The following XXYLT1 variants were observed in gnomAD, a reference collection of about 807,000 sequenced individuals.
XXYLT1 encodes the protein xyloside xylosyltransferase 1, also known as UDP-xylose:alpha-xyloside alpha-1,3-xylosyltransferase.
In XXYLT1, 20 loss-of-function variants were observed where a neutral mutation model predicts 28.9. That is an observed-to-expected ratio of 0.69 (90% CI 0.49 to 1.00). The LOEUF is 1.00. Among genes scored for constraint, XXYLT1 ranks in the 50% least tolerant of loss-of-function variants. The pLI is 0.00. For synonymous variants in XXYLT1, 257 were observed against 253.8 expected (o/e 1.01, Z -0.12); for missense variants, 542 against 560.1 (o/e 0.97, Z 0.33).
intron 2 of XXYLT1, among the ~76,000 whole-genome samples, chr3:195,201,827 GCTGCTCCT>G (rs1346678384): frequency 6.6e-6 from 1 of 152,164 alleles, no homozygotes; most frequent in African/African-American, 2.4e-5. Context: ...TTGGGACTTA[GCTGCTCCT>G]CTGCTCCTCC....
intron 1 of XXYLT1, among the ~76,000 whole-genome samples, chr3:195,264,621 T>G (rs938987867): frequency 2.0e-5 from 3 of 152,198 alleles, no homozygotes; most frequent in African/African-American, 7.2e-5. Flanking sequence ...CTCCTATACA[T>G]TCCCTGCAAC....
At chr3:195,178,090 TA>T (rs1206243419) in intron 2 of XXYLT1, among the ~76,000 whole-genome samples, 1 of 151,942 alleles carries the variant, frequency 6.6e-6, no homozygotes, top group Non-Finnish European at 1.5e-5. Context: ...TGATAGAAAA[TA>T]AATGAAAAGG....
At chr3:195,096,919 G>A (rs1409129675) in intron 3 of XXYLT1, among the ~76,000 whole-genome samples, 3 of 152,206 alleles carry the variant, frequency 2.0e-5, no homozygotes, top group Non-Finnish European at 4.4e-5. Flanking sequence ...GTTAGAAATA[G>A]TTCAAATTTG....
chr3:195,146,333 T>C (rs1456182614), intron 3 of XXYLT1, among the ~76,000 whole-genome samples: 1 of 152,246 alleles, frequency 6.6e-6, no homozygotes, highest in Non-Finnish European at 1.5e-5. Context: ...GCTGCCTGGA[T>C]TACAAATAAG....
intron 2 of XXYLT1, among the ~76,000 whole-genome samples, chr3:195,159,583 T>A (rs1231374040): frequency 2.0e-5 from 3 of 152,188 alleles, no homozygotes; most frequent in Admixed American, 1.3e-4. Context: ...AATATCAGCA[T>A]GAAGACAAGT....
At chr3:195,166,827 G>A (rs1458627276) in intron 2 of XXYLT1, among the ~76,000 whole-genome samples, 1 of 152,130 alleles carries the variant, frequency 6.6e-6, no homozygotes, top group African/African-American at 2.4e-5. Context: ...GATTACAGGT[G>A]CCCAGCACAC....
intron 3 of XXYLT1, among the ~76,000 whole-genome samples, chr3:195,119,177 G>A (rs1336862227): frequency 2.6e-5 from 4 of 151,144 alleles, no homozygotes; most frequent in East Asian, 1.9e-4. Context: ...CCAGCTACTC[G>A]GGAGGCTAGG....
At chr3:195,201,914 C>T (rs1722864807) in intron 2 of XXYLT1, among the ~76,000 whole-genome samples, 1 of 152,178 alleles carries the variant, frequency 6.6e-6, no homozygotes, top group Non-Finnish European at 1.5e-5. Flanking sequence ...CGCGGTGGCT[C>T]ACACCTGTAA....
intron 3 of XXYLT1, among the ~76,000 whole-genome samples, chr3:195,070,404 C>A (rs1714736378): frequency 6.6e-6 from 1 of 152,030 alleles, no homozygotes; most frequent in Non-Finnish European, 1.5e-5. Context: ...ACTCCCCACA[C>A]AACCCCAGGG....
At chr3:195,143,833 T>C (rs1305066160) in intron 3 of XXYLT1, among the ~76,000 whole-genome samples, 1 of 90,956 alleles carries the variant, frequency 1.1e-5, no homozygotes, top group African/African-American at 4.7e-5. Flanking sequence ...TATATATAGA[T>C]ATAGATATAG....
intron 3 of XXYLT1, among the ~76,000 whole-genome samples, chr3:195,141,857 T>C (rs934310162): frequency 3.9e-5 from 6 of 152,228 alleles, no homozygotes; most frequent in African/African-American, 1.4e-4. Context: ...GACTAGACTC[T>C]AGTAATTTTG....
chr3:195,241,587 T>G lies in XXYLT1; in HGVS notation c.505-14731A>C, dbSNP rs148994040. Among the ~76,000 whole-genome samples the G allele has an allele frequency of 4.4e-3, 664 of 152,080 alleles. 3 individuals carry two copies. The highest frequency in any genetic ancestry group is 7.7e-3 in the Non-Finnish European group (521 of 68,000). ...GCGCATTTCCAGAAGCGAAGAAAAA[T>G]CTGCTAACGGACTAGGAGTCTTTCA... is the stretch of plus-strand genomic sequence containing the variant. On this transcript the variant is annotated intron_variant, in intron 1 of 3. Coordinates refer to ENST00000310380, the MANE Select transcript of XXYLT1 (RefSeq NM_152531.5).
rs1297258463 is a variant in XXYLT1, at chr3:195,176,648, G to A, written c.653-20067C>T. Among the ~76,000 whole-genome samples, 1 of 152,208 alleles carries A rather than the reference G, an allele frequency of 6.6e-6. No individual in the cohort carries two copies. The highest frequency in any genetic ancestry group is 1.5e-5 in the Non-Finnish European group (1 of 68,044). Reference sequence around the variant, plus strand: ...GAGATACATTGATGTTGATGAGGCTGGAGAGCTGGAGGAAGCAAGACAGTA... The same window carrying A: ...GAGATACATTGATGTTGATGAGGCTAGAGAGCTGGAGGAAGCAAGACAGTA... On this transcript the variant is annotated intron_variant, in intron 2 of 3. Transcript: ENST00000310380. This position sits in a 1 kb window ranked among gnomAD's most constrained non-coding sequence, Gnocchi z 4.9.
chr3:195,243,190 T>G (rs1235439250), intron 1 of XXYLT1, among the ~76,000 whole-genome samples: 1 of 151,476 alleles, frequency 6.6e-6, no homozygotes, highest in Non-Finnish European at 1.5e-5. Context: ...AAGGGGAACA[T>G]CACACACCAG....
At chr3:195,099,795 C>T (rs1387917922) in intron 3 of XXYLT1, among the ~76,000 whole-genome samples, 1 of 143,498 alleles carries the variant, frequency 7.0e-6, no homozygotes, top group African/African-American at 2.6e-5. Context: ...CGCGCCACTG[C>T]ACTCCAGCCT....
intron 2 of XXYLT1, among the ~76,000 whole-genome samples, chr3:195,161,695 C>T (rs984945333): frequency 2.7e-5 from 4 of 147,274 alleles, no homozygotes; most frequent in South Asian, 4.3e-4. Flanking sequence ...AGGGCAATGG[C>T]GCGATCTTGG....
Position 195,130,689 on chromosome 3 carries a change from G to A in XXYLT1, c.785+25760C>T, listed in dbSNP as rs71317945. ...CTGAGCAAAGCACTGGAGGCGAGAG[G>A]AGGGGAACGGAGGCAACAGGCAATC... On this transcript the variant is annotated intron_variant, in intron 3 of 3. Transcript: ENST00000310380. 3.0e-4 allele frequency among the ~76,000 whole-genome samples: 45 copies of A among 152,308 alleles called. No individual in the cohort carries two copies. In the East Asian group the frequency reaches 6.6e-3, roughly 22 times the overall value.
At chr3:195,189,461 A>G (rs943750862) in intron 2 of XXYLT1, among the ~76,000 whole-genome samples, 1 of 152,220 alleles carries the variant, frequency 6.6e-6, no homozygotes, top group Non-Finnish European at 1.5e-5. Flanking sequence ...AAAATAGGAA[A>G]GTGTGACCCA....
chr3:195,103,128 G>C (rs1023064807), intron 3 of XXYLT1, among the ~76,000 whole-genome samples: 3 of 152,370 alleles, frequency 2.0e-5, no homozygotes, highest in African/African-American at 7.2e-5. Flanking sequence ...GCTCACGCTA[G>C]TAACAGTCAG....
Sources: allele counts gnomAD v4.1 joint callset (sites outside exome capture counted in the v4.1 genomes callset), GRCh38; gene constraint gnomAD v4.1.1; non-coding constraint Gnocchi (gnomAD v3.1); transcripts MANE v1.5; gene names NCBI Gene and HGNC (gene_info 2026-07-23, HGNC 2026-07-21).